Variants in SPTB observed in about 807,000 individuals in gnomAD.
SPTB encodes spectrin beta chain, erythrocytic.
SPTB carries 45 observed loss-of-function variants against 256.2 expected under a neutral mutation model. The observed-to-expected ratio is 0.18, with a 90% CI of 0.14 to 0.23. The LOEUF (loss-of-function observed/expected upper bound fraction) is 0.23, where lower values mean the gene tolerates loss of function less well. Ranked by LOEUF, SPTB falls within the 10% of genes least tolerant of loss-of-function variation. SPTB has a pLI of 1.00. For missense variants in SPTB, 2,715 were observed against 3,040.4 expected (o/e 0.89, Z 2.52); for synonymous variants, 1,231 against 1,243.1 (o/e 0.99, Z 0.21).
At chr14:64,794,861 C>T (rs1026085043) in intron 12 of SPTB, among the ~76,000 whole-genome samples, 3 of 152,244 alleles carry the variant, frequency 2.0e-5, no homozygotes, top group Non-Finnish European at 4.4e-5. Context: ...TCTACTGCAT[C>T]GGTCTCAGGG....
intron 28 of SPTB, among the ~76,000 whole-genome samples, 184 bp downstream of exon 28, chr14:64,769,406 G>T (rs551191944): frequency 9.8e-4 from 149 of 152,304 alleles, no homozygotes; most frequent in African/African-American, 3.4e-3. Context: ...GCTCCTTAAG[G>T]CAGGGAGTGC....
At chr14:64,767,621 G>A (rs1220605620) in intron 30 of SPTB, 42 bp downstream of exon 30, 3 of 1,610,646 alleles carry the variant, frequency 1.9e-6, no homozygotes, top group Non-Finnish European at 1.7e-6. Context: ...TGGGGGCACA[G>A]TTGCCACCCT....
chr14:64,769,630 C>T lies in SPTB; in HGVS notation c.5897G>A (p.Gly1966Asp), dbSNP rs779077726. 2 of 1,614,124 alleles carry T rather than the reference C, an allele frequency of 1.2e-6. No homozygotes were observed. The highest frequency in any genetic ancestry group is 1.7e-6 in the Non-Finnish European group (2 of 1,180,048). The part of the protein sequence containing the change: ...SKNFSACLEL[G>D]ESLLQRQHQA... ...GTGCTGCCGCTGCAGCAGGGACTCG[C>T]CAAGCTCCAGGCAGGCACTGAAGTT... is the stretch of plus-strand genomic sequence containing the variant. The change falls in exon 28 of 36, where the codon GGC becomes GAC. Residue 1966 changes from glycine to aspartate, a missense_variant. Transcript: ENST00000644917.
chr14:64,780,875 G>A (rs1001707181), intron 20 of SPTB, among the ~76,000 whole-genome samples: 2 of 152,178 alleles, frequency 1.3e-5, no homozygotes, highest in Non-Finnish European at 2.9e-5. Context: ...ACAAAAACCG[G>A]CATATCAACC....
At chr14:64,770,313 A>G (rs1446700024) in intron 27 of SPTB, among the ~76,000 whole-genome samples, 1 of 152,164 alleles carries the variant, frequency 6.6e-6, no homozygotes, top group Non-Finnish European at 1.5e-5. Context: ...GTGGTATGTG[A>G]ATTATATCTC....
chr14:64,770,685 G>A (rs569293109), intron 27 of SPTB, among the ~76,000 whole-genome samples, 200 bp downstream of exon 27: 9 of 152,322 alleles, frequency 5.9e-5, no homozygotes, highest in African/African-American at 1.4e-4. Flanking sequence ...ACTCTGGAGC[G>A]ATTGGTCCTC....
chr14:64,854,274 CTTTT>C (rs1206368948), intron 1 of SPTB, among the ~76,000 whole-genome samples: 3 of 73,262 alleles, frequency 4.1e-5, no homozygotes, highest in African/African-American at 5.4e-5. Flanking sequence ...TTTCCAAACT[CTTTT>C]TTTTTTTTTT....
chr14:64,838,720 A>G (rs550801782), intron 1 of SPTB, among the ~76,000 whole-genome samples: 2 of 152,370 alleles, frequency 1.3e-5, no homozygotes, highest in South Asian at 4.1e-4. Flanking sequence ...GCTTTAAAAA[A>G]AAAACAATTC....
rs777255051 is a variant in SPTB, at chr14:64,749,488, G to C, written c.6820-15C>G. 1.3e-6 allele frequency: 2 copies of C among 1,598,904 alleles called. No individual in the cohort carries two copies. The highest frequency in any genetic ancestry group is 1.7e-6 in the Non-Finnish European group (2 of 1,177,968). On this transcript the variant is annotated splice_polypyrimidine_tract_variant and intron_variant, in intron 35 of 35. Coordinates refer to ENST00000644917, the MANE Select transcript of SPTB (RefSeq NM_001355436.2). The surrounding 1 kb of genome is among the most constrained non-coding windows in gnomAD (Gnocchi z 4.7). ...AGCATCTCCTCCTGCGGGGCGGAGG[G>C]TCACGGTGGAGTCTGGAGGCCCACA...
intron 2 of SPTB, among the ~76,000 whole-genome samples, chr14:64,822,391 CACACACACACAG>C: frequency 1.4e-5 from 2 of 144,926 alleles, no homozygotes; most frequent in African/African-American, 5.1e-5. Flanking sequence ...CACACACACA[CACACACACACAG>C]AGAGATCTAT....
chr14:64,808,692 G>T (rs2083032209), intron 2 of SPTB, among the ~76,000 whole-genome samples: 1 of 152,130 alleles, frequency 6.6e-6, no homozygotes, highest in Non-Finnish European at 1.5e-5. Context: ...TTAAGATACA[G>T]TTAAGGAAAC....
At position 64,866,940 on chromosome 14, in the gene SPTB, C is replaced by T. The variant is rs1216648940; in HGVS notation, c.-52+12852G>A. On this transcript the variant is annotated intron_variant, in intron 1 of 35. Transcript: ENST00000644917. The surrounding 1 kb of genome is among the most constrained non-coding windows in gnomAD (Gnocchi z 4.6). ...AAATCTTGTGTCCGTGGATCTGAAA[C>T]GCCCACTCAAAGAGCCTTTCATAGC... Among the ~76,000 whole-genome samples, 5 of 152,096 alleles carry T rather than the reference C, an allele frequency of 3.3e-5. No homozygotes were observed. The highest frequency in any genetic ancestry group is 9.7e-5 in the African/African-American group (4 of 41,406).
chr14:64,818,943 C>T (rs1216569265), intron 2 of SPTB, among the ~76,000 whole-genome samples: 1 of 152,178 alleles, frequency 6.6e-6, no homozygotes, highest in African/African-American at 2.4e-5. Context: ...GCATGGTCTC[C>T]AGTCCAGGAA....
intron 2 of SPTB, 38 bp from the exon 3 acceptor site, chr14:64,805,128 T>C: frequency 6.2e-7 from 1 of 1,613,860 alleles, no homozygotes; most frequent in Non-Finnish European, 8.5e-7. Flanking sequence ...GTGCCTGAGG[T>C]TGGCAGGGTC....
At chr14:64,879,536 C>T (rs1350647783) in intron 1 of SPTB, among the ~76,000 whole-genome samples, 3 of 152,232 alleles carry the variant, frequency 2.0e-5, no homozygotes, top group Non-Finnish European at 4.4e-5. Context: ...CTCTCCAAAG[C>T]TAGCACCAAG....
chr14:64,763,904 C>A (rs530889193), intron 32 of SPTB: 1 of 518,056 alleles, frequency 1.9e-6, no homozygotes, highest in South Asian at 1.4e-5. Context: ...TGCACACACA[C>A]GTGGGGAAGG....
chr14:64,845,284 C>T lies in SPTB; in HGVS notation c.-51-22139G>A, dbSNP rs150927204. On this transcript the variant is annotated intron_variant, in intron 1 of 35. Coordinates refer to ENST00000644917, the MANE Select transcript of SPTB (RefSeq NM_001355436.2). The surrounding 1 kb of genome is among the most constrained non-coding windows in gnomAD (Gnocchi z 4.8). ...TTTGAACAGAAGTAGCCGCTTAGCC[C>T]GCCAAAAGATTGGTAGTTCTGTGTG... Among the ~76,000 whole-genome samples, 709 of 152,308 alleles carry T rather than the reference C, an allele frequency of 4.7e-3. 6 individuals are homozygous for T. The highest frequency in any genetic ancestry group is 8.1e-3 in the Non-Finnish European group (553 of 68,032).
At chr14:64,794,337 G>C (rs1594783710) in intron 13 of SPTB, 130 bp downstream of exon 13, 1 of 1,283,636 alleles carries the variant, frequency 7.8e-7, no homozygotes, top group Admixed American at 1.9e-5. Context: ...CTTCTTTCTT[G>C]GACCATTACT....
Position 64,765,025 on chromosome 14 carries a change from C to CGTGTGTGTGTGTGTGTGTGT in SPTB, c.6345+1700_6345+1701insACACACACACACACACACAC, listed in dbSNP as rs565885364. ...GCTGGAGGCCACAGAGGAGTGTGTG[C>CGTGTGTGTGTGTGTGTGTGT]GTGTGTGTGTGTGTGTGCGCGCGCG... On this transcript the variant is annotated intron_variant, in intron 32 of 35. Transcript: ENST00000644917. 3.3e-3 allele frequency among the ~76,000 whole-genome samples: 388 copies of CGTGTGTGTGTGTGTGTGTGT among 118,312 alleles called. 3 individuals carry two copies. The highest frequency in any genetic ancestry group is 0.01 in the Middle Eastern group (2 of 198). The allele number at this position is 118,312 out of a possible 152,430, so 77.6% of individuals were successfully genotyped here. A position where few individuals can be genotyped will look rare whatever the true frequency, so the allele number is the denominator to read the frequency against.
Sources: allele counts gnomAD v4.1 joint callset (sites outside exome capture counted in the v4.1 genomes callset), GRCh38; gene constraint gnomAD v4.1.1; non-coding constraint Gnocchi (gnomAD v3.1); transcripts MANE v1.5; gene names NCBI Gene and HGNC (gene_info 2026-07-23, HGNC 2026-07-21).